Variants in RASA4B observed in about 807,000 individuals in gnomAD.
RASA4B encodes the protein ras GTPase-activating protein 4B.
RASA4B carries 2 observed loss-of-function variants against 24.2 expected under a neutral mutation model. The ratio of observed to expected loss-of-function variants is 0.08; its 90% CI spans 0.03 to 0.26. RASA4B has a LOEUF of 0.26. RASA4B is among the 10% of genes least tolerant of loss of function. The pLI, the probability that RASA4B is intolerant of heterozygous loss-of-function variation, is 1.00. For synonymous variants in RASA4B, 2 were observed against 125.6 expected (o/e 0.02, Z 6.58); for missense variants, 8 against 277.2 (o/e 0.03, Z 6.90).
chr7:102,485,082 G>C lies in RASA4B; in HGVS notation c.2182C>G (p.Gln728Glu). ...CCCAGCAGGTGCCGGTAGATGAGCTGGGCCTCAAGGTCATGGTCAAGAGGG... is the reference window on the plus strand; with the variant it reads ...CCCAGCAGGTGCCGGTAGATGAGCTCGGCCTCAAGGTCATGGTCAAGAGGG... Reference protein sequence around the residue: ...NDPLDHDLEAQLIYRHLLGVE... With the variant: ...NDPLDHDLEAELIYRHLLGVE... Residue 728 changes from glutamine (Q) to glutamate (E), a missense_variant, in exon 19 of 21, where the codon CAG becomes GAG. By Grantham distance (29) the Gln-to-Glu change is conservative (BLOSUM62 2). Transcript: ENST00000465829. 1.7e-6 allele frequency: 1 copy of C among 577,288 alleles called. No individual in the cohort carries two copies. Among genetic ancestry groups the C allele is most frequent in the Non-Finnish European group, 3.1e-6 (1 of 324,112 alleles). 35.8% of individuals were successfully genotyped at this position (577,288 alleles called of 1,614,324 possible). A position where few individuals can be genotyped will look rare whatever the true frequency, so the allele number is the denominator to read the frequency against.
intron 19 of RASA4B, among the ~76,000 whole-genome samples, chr7:102,484,752 G>A (rs1798650174): frequency 6.7e-6 from 1 of 149,552 alleles, no homozygotes; most frequent in South Asian, 2.1e-4. Context: ...AAGCAAGATG[G>A]CCAGGGAACT....
chr7:102,486,662 TTTTTTTTG>T (rs1236503473), intron 18 of RASA4B, among the ~76,000 whole-genome samples: 8 of 7,566 alleles, frequency 1.1e-3, no homozygotes, highest in South Asian at 7.6e-3. Flanking sequence ...TTTTCTGTTT[TTTTTTTTG>T]TTTTTTTGTT....
chr7:102,498,451 G>A (rs567603682), intron 8 of RASA4B, among the ~76,000 whole-genome samples: 29 of 144,176 alleles, frequency 2.0e-4, no homozygotes, highest in Middle Eastern at 7.9e-3. Context: ...TAGTACAGAC[G>A]GGATTTCACC....
At chr7:102,508,774 A>G (rs1308735706) in intron 4 of RASA4B, among the ~76,000 whole-genome samples, 1 of 146,106 alleles carries the variant, frequency 6.8e-6, no homozygotes, top group African/African-American at 2.5e-5. Context: ...CCCGGCCTCT[A>G]TTTTATTTTT....
Position 102,491,949 on chromosome 7 carries a change from C to CA in RASA4B, c.1831-827dup, listed in dbSNP as rs1247978634. The stretch of plus-strand genomic sequence containing the variant: ...GCAGCATAGCAAGACCCCATCTCCG[C>CA]AAAAAAAAAAGTTAAAGAAAATTAG... On this transcript the variant is annotated intron_variant, in intron 16 of 20. Transcript: ENST00000465829. 2.0e-3 allele frequency among the ~76,000 whole-genome samples: 48 copies of CA among 23,938 alleles called. 2 individuals carry two copies. Among genetic ancestry groups the CA allele is most frequent in the Non-Finnish European group, 5.2e-3 (37 of 7,112 alleles). 15.7% of individuals were successfully genotyped at this position (23,938 alleles called of 152,430 possible). A position where few individuals can be genotyped will look rare whatever the true frequency, so the allele number is the denominator to read the frequency against.
At position 102,496,134 on chromosome 7, in the gene RASA4B, C is replaced by A; in HGVS notation, c.1071+6G>T. 1.2e-6 allele frequency: 2 copies of A among 1,613,920 alleles called. No homozygotes were observed. Among genetic ancestry groups the A allele is most frequent in the East Asian group, 2.2e-5 (1 of 44,872 alleles). On this transcript the variant is annotated splice_donor_region_variant and intron_variant, in intron 11 of 20. Coordinates refer to ENST00000465829, the MANE Select transcript of RASA4B (RefSeq NM_001367767.2). ...AAGATGAGGACAATATAGCATGCAA[C>A]CTCACCTTCAGAAAAGACTCCACGG...
chr7:102,480,809 G>T lies in RASA4B; in HGVS notation c.*2783C>A, dbSNP rs1227327174. Among the ~76,000 whole-genome samples, 2 of 62,784 alleles carry T rather than the reference G, an allele frequency of 3.2e-5. No homozygotes were observed. The highest frequency in any genetic ancestry group is 6.0e-4 in the East Asian group (2 of 3,308). 41.2% of individuals were successfully genotyped at this position (62,784 alleles called of 152,430 possible). Reference sequence around the variant, plus strand: ...TTGTTTGTTTGTTTTTGTAAAGACGGGGATTTCGCCACGTTGCCCAGGCTG... The same window carrying T: ...TTGTTTGTTTGTTTTTGTAAAGACGTGGATTTCGCCACGTTGCCCAGGCTG... On this transcript the variant is annotated 3_prime_UTR_variant, in exon 21 of 21. Coordinates refer to ENST00000465829, the MANE Select transcript of RASA4B (RefSeq NM_001367767.2).
chr7:102,505,039 ATTGAGAATCTCCC>A (rs1224610781), intron 5 of RASA4B, among the ~76,000 whole-genome samples: 1 of 123,792 alleles, frequency 8.1e-6, no homozygotes, highest in Non-Finnish European at 1.7e-5. Flanking sequence ...TTACTGAAAT[ATTGAGAATCTCCC>A]CAGAAAAAAT....
chr7:102,492,552 A>G (rs1798987241), intron 16 of RASA4B, among the ~76,000 whole-genome samples: 1 of 117,704 alleles, frequency 8.5e-6, no homozygotes, highest in African/African-American at 2.6e-5. Flanking sequence ...TATCTTTAAT[A>G]ATATCATTTG....
chr7:102,498,467 G>C (rs1799245900), intron 8 of RASA4B, among the ~76,000 whole-genome samples: 1 of 144,840 alleles, frequency 6.9e-6, no homozygotes, highest in Non-Finnish European at 1.5e-5. Flanking sequence ...TCACCATGTT[G>C]GCCAGGCTGG....
intron 5 of RASA4B, 80 bp downstream of exon 5, chr7:102,506,614 GC>G: frequency 3.6e-6 from 1 of 279,436 alleles, no homozygotes; most frequent in Non-Finnish European, 7.0e-6. Context: ...TAGAGGTGGG[GC>G]GAGGGGGGGC....
chr7:102,496,139 C>A lies in RASA4B; in HGVS notation c.1071+1G>T, dbSNP rs1222810049. The A allele has an allele frequency of 6.2e-7, 1 of 1,613,902 alleles. No individual in the cohort carries two copies. The highest frequency in any genetic ancestry group is 8.5e-7 in the Non-Finnish European group (1 of 1,179,796). On this transcript the variant is annotated splice_donor_variant, in intron 11 of 20. Transcript: ENST00000465829. LOFTEE classifies it high-confidence loss of function. ...GAGGACAATATAGCATGCAACCTCA[C>A]CTTCAGAAAAGACTCCACGGACTTT... is the stretch of plus-strand genomic sequence containing the variant.
At chr7:102,500,341 G>A (rs6953854) in intron 8 of RASA4B, among the ~76,000 whole-genome samples, 15 of 77,594 alleles carry the variant, frequency 1.9e-4, no homozygotes, top group East Asian at 9.7e-4. Context: ...GCGCGGTGGC[G>A]GGTGCCTGTA....
intron 8 of RASA4B, among the ~76,000 whole-genome samples, chr7:102,498,073 ATT>A (rs1159079074): frequency 8.6e-6 from 1 of 116,382 alleles, no homozygotes; most frequent in African/African-American, 2.9e-5. Context: ...CTTATTAACT[ATT>A]TTTTTTAGAG....
chr7:102,497,885 C>T (rs1171038384), intron 8 of RASA4B, among the ~76,000 whole-genome samples: 2 of 77,358 alleles, frequency 2.6e-5, no homozygotes, highest in East Asian at 6.4e-4. Flanking sequence ...TCCACCTGCT[C>T]CTACCCTGTT....
At chr7:102,492,714 G>A in intron 16 of RASA4B, among the ~76,000 whole-genome samples, 1 of 119,708 alleles carries the variant, frequency 8.4e-6, no homozygotes. Context: ...GCCCAGGTTG[G>A]AGTGCAGTGG....
rs571436664 is a variant in RASA4B at position 102,480,139 on chromosome 7, G to A, written c.*3453C>T. Among the ~76,000 whole-genome samples the A allele has an allele frequency of 6.6e-6, 1 of 152,130 alleles. No homozygotes were observed. Among genetic ancestry groups the A allele is most frequent in the South Asian group, 2.1e-4 (1 of 4,822 alleles). On this transcript the variant is annotated 3_prime_UTR_variant, in exon 21 of 21. Transcript: ENST00000465829. ...GTTATGCCCGGACAGGGCCACCAGA[G>A]GGCTCCTTGGTCTAGCGGTAACGCC... is the stretch of plus-strand genomic sequence containing the variant.
At chr7:102,498,522 G>A (rs1586773382) in intron 8 of RASA4B, among the ~76,000 whole-genome samples, 1 of 142,902 alleles carries the variant, frequency 7.0e-6, no homozygotes, top group Non-Finnish European at 1.6e-5. Flanking sequence ...GGCCACCCAA[G>A]TGCTGAGATT....
rs182807248 is a variant in RASA4B at position 102,480,248 on chromosome 7, A to T, written c.*3344T>A. ...CAAGGAAAAACACCCGCTACTTAGC[A>T]GACCAGGAAAGGGAGTGTACAGTGA... On this transcript the variant is annotated 3_prime_UTR_variant, in exon 21 of 21. Coordinates refer to ENST00000465829, the MANE Select transcript of RASA4B (RefSeq NM_001367767.2). 8.5e-5 allele frequency among the ~76,000 whole-genome samples: 13 copies of T among 152,202 alleles called. No individual in the cohort carries two copies. Among genetic ancestry groups the T allele is most frequent in the South Asian group, 6.2e-4 (3 of 4,828 alleles).
Sources: allele counts gnomAD v4.1 joint callset (sites outside exome capture counted in the v4.1 genomes callset), GRCh38; gene constraint gnomAD v4.1.1; transcripts MANE v1.5; gene names NCBI Gene and HGNC (gene_info 2026-07-23, HGNC 2026-07-21).